The following ZNFX1 variants were observed in gnomAD, a reference collection of about 807,000 sequenced individuals.
ZNFX1 encodes NFX1-type zinc finger-containing protein 1.
Under a neutral mutation model 179.8 loss-of-function variants are expected in ZNFX1, and 78 were observed. The observed-to-expected ratio is 0.43, with a 90% CI of 0.36 to 0.52. The LOEUF (loss-of-function observed/expected upper bound fraction) is 0.52. ZNFX1 is among the 20% of genes least tolerant of loss of function. The pLI is 0.00. For missense variants in ZNFX1, 1,927 were observed against 2,386.6 expected (o/e 0.81, Z 4.01); for synonymous variants, 848 against 868.5 (o/e 0.98, Z 0.42).
In ZNFX1 at chr20:49,270,543, T is replaced by C. The variant is rs1014598267; in HGVS notation, c.1269A>G (p.Ser423=). The C allele has an allele frequency of 3.7e-6, 6 of 1,614,266 alleles. No individual in the cohort carries two copies. The highest frequency in any genetic ancestry group is 5.1e-6 in the Non-Finnish European group (6 of 1,180,046). The change falls in exon 3 of 14, where the codon TCA becomes TCG. Residue 423 remains serine, a synonymous_variant. Transcript: ENST00000396105. This position sits in a 1 kb window ranked among gnomAD's most constrained non-coding sequence, Gnocchi z 4.6. ...DTRIITPMCS[S]SGIVYKVQFD... is the part of the protein sequence containing the mutation. ...ACTGCACCTTGTAGACTATGCCTGA[T>C]GATGAACACATGGGGGTGATAATCC...
rs751732499 is a variant in ZNFX1 at position 49,247,758 on chromosome 20, G to C, written c.5266C>G (p.Leu1756Val). 1.9e-6 allele frequency: 3 copies of C among 1,614,072 alleles called. No homozygotes were observed. The highest frequency in any genetic ancestry group is 2.5e-6 in the Non-Finnish European group (3 of 1,180,058). Reference protein sequence around the residue: ...LSFTSQELSDLRSEIQRLTYL... With the variant: ...LSFTSQELSDVRSEIQRLTYL... ...GTGAGCCTCTGGATTTCACTTCGGA[G>C]GTCACTTAGTTCCTGGCTAGTGAAG... The change falls in exon 14 of 14, where the codon CTC (leucine) becomes GTC (valine). Residue 1756 changes from leucine to valine, a missense_variant. Leu to Val is a conservative substitution (Grantham distance 32). Coordinates refer to ENST00000396105, the MANE Select transcript of ZNFX1 (RefSeq NM_021035.3).
In ZNFX1 at chr20:49,252,705, G is replaced by A; in HGVS notation, c.3216+15C>T. 14 of 1,602,522 alleles carry A rather than the reference G, an allele frequency of 8.7e-6. No homozygotes were observed. Among genetic ancestry groups the A allele is most frequent in the Non-Finnish European group, 1.2e-5 (14 of 1,169,556 alleles). ...CTCCTGGGCATTTGGTAACAACAGAGGCCCAGCTTCTCACCTGGTAATTCA... is the reference window on the plus strand; with the variant it reads ...CTCCTGGGCATTTGGTAACAACAGAAGCCCAGCTTCTCACCTGGTAATTCA... On this transcript the variant is annotated intron_variant, in intron 12 of 13. Transcript: ENST00000396105.
At chr20:49,275,674 G>C in intron 2 of ZNFX1, 105 bp downstream of exon 2, 1 of 1,086,234 alleles carries the variant, frequency 9.2e-7, no homozygotes, top group Non-Finnish European at 1.4e-6. Flanking sequence ...TTCTTTACTT[G>C]AGAGATGCAG....
intron 5 of ZNFX1, among the ~76,000 whole-genome samples, chr20:49,263,949 C>A (rs1037402804): frequency 5.3e-5 from 8 of 151,306 alleles, no homozygotes; most frequent in Admixed American, 3.9e-4. Flanking sequence ...TTGGGCCGGG[C>A]GCGGTGGCTC....
Position 49,259,641 on chromosome 20 carries a change from C to T in ZNFX1, c.2416+822G>A, listed in dbSNP as rs574427306. 2.0e-5 allele frequency among the ~76,000 whole-genome samples: 3 copies of T among 152,206 alleles called. No individual in the cohort carries two copies. The East Asian group carries it at 5.8e-4, about 29-fold the overall frequency. On this transcript the variant is annotated intron_variant, in intron 7 of 13. Transcript: ENST00000396105. ...ACAGGGTCTCATTATGTTGCCCAGG[C>T]TGGTCTCCAACTTCTGGGCTGAAAC...
chr20:49,262,131 A>C (rs1981128913), intron 6 of ZNFX1, among the ~76,000 whole-genome samples: 1 of 151,776 alleles, frequency 6.6e-6, no homozygotes, highest in Admixed American at 6.6e-5. Context: ...TAAAAATCAA[A>C]GGGCTGGGCA....
rs1568982441 is a variant in ZNFX1, at chr20:49,253,736, A to G, written c.3035T>C (p.Leu1012Pro). The change falls in exon 11 of 14, where the codon CTT (leucine) becomes CCT (proline). Residue 1012 changes from leucine to proline, a missense_variant. Coordinates refer to ENST00000396105, the MANE Select transcript of ZNFX1 (RefSeq NM_021035.3). ...IVIVEEAAEV[L>P]EAHTIATLSK... ...CAATGTGGCAATGGTATGGGCCTCA[A>G]GGACTTCCGCAGCTTCTTCCACTAT... is the stretch of plus-strand genomic sequence containing the variant. 6.2e-7 allele frequency: 1 copy of G among 1,614,200 alleles called. No homozygotes were observed.
Position 49,248,739 on chromosome 20 carries a change from C to G in ZNFX1, c.4285G>C (p.Val1429Leu). Reference protein sequence around the residue: ...VEGLLYGGLLVKCTTKCGTIL... With the variant: ...VEGLLYGGLLLKCTTKCGTIL... ...GTGCCACACTTTGTGGTACACTTGA[C>G]TAGCAGACCACCATACAGGAGGCCT... Residue 1429 changes from valine (V) to leucine (L), a missense_variant, in exon 14 of 14, where the codon GTC (valine) becomes CTC (leucine). Val to Leu is a conservative substitution (Grantham distance 32). Coordinates refer to ENST00000396105, the MANE Select transcript of ZNFX1 (RefSeq NM_021035.3). The surrounding 1 kb of genome is among the most constrained non-coding windows in gnomAD (Gnocchi z 4.6). 1.9e-6 allele frequency: 3 copies of G among 1,613,346 alleles called. No individual in the cohort carries two copies. Among genetic ancestry groups the G allele is most frequent in the South Asian group, 1.1e-5 (1 of 91,090 alleles).
rs1476017113 is a variant in ZNFX1 at position 49,253,636 on chromosome 20, G to A, written c.3105+30C>T. On this transcript the variant is annotated intron_variant, in intron 11 of 13. Coordinates refer to ENST00000396105, the MANE Select transcript of ZNFX1 (RefSeq NM_021035.3). ...ATGATCTCACCCCCACGGAGAGCCA[G>A]CCCATCTTCTAGGGGGACTCTCGTT... 14 of 1,612,918 alleles carry A rather than the reference G, an allele frequency of 8.7e-6. No individual in the cohort carries two copies. In the East Asian group the frequency reaches 1.8e-4, roughly 21 times the overall value.
intron 7 of ZNFX1, among the ~76,000 whole-genome samples, chr20:49,259,127 T>TA (rs1568984450): frequency 1.5e-4 from 11 of 73,564 alleles, no homozygotes; most frequent in Admixed American, 2.7e-4. Context: ...AATAAATAAA[T>TA]AAATAAATAA....
At chr20:49,263,994 C>T (rs555133) in intron 5 of ZNFX1, among the ~76,000 whole-genome samples, 101,239 of 151,412 alleles carry the variant, frequency 0.67, 34,734 homozygotes, top group Non-Finnish European at 0.76. Flanking sequence ...GAGGCCGAGG[C>T]GGGTGGACCA....
intron 3 of ZNFX1, among the ~76,000 whole-genome samples, chr20:49,267,495 T>TC (rs1555883661): frequency 6.6e-6 from 1 of 151,768 alleles, no homozygotes; most frequent in South Asian, 2.1e-4. Flanking sequence ...TTTTTTTTTT[T>TC]AAATCATGAG....
intron 10 of ZNFX1, 119 bp downstream of exon 10, chr20:49,254,376 A>T: frequency 7.5e-7 from 1 of 1,328,776 alleles, no homozygotes; most frequent in Admixed American, 2.2e-5. Context: ...TGCTTTCAGT[A>T]GCTTTTCATG....
At chr20:49,252,508 TAAG>T (rs1235250629) in intron 12 of ZNFX1, among the ~76,000 whole-genome samples, 1 of 150,842 alleles carries the variant, frequency 6.6e-6, no homozygotes, top group African/African-American at 2.4e-5. Flanking sequence ...TTGAAAAAAA[TAAG>T]GAGAAAGCAT....
Position 49,249,722 on chromosome 20 carries a change from AAAG to A in ZNFX1, c.3313-14_3313-12del, listed in dbSNP as rs767661367. On this transcript the variant is annotated splice_polypyrimidine_tract_variant and intron_variant, in intron 13 of 13. Transcript: ENST00000396105. ...GTTGGAAGACACCCCCTGACAGGGA[AAAG>A]AAGTGACATGTTAAAAGGTTCACTC... 29 of 1,601,038 alleles carry A rather than the reference AAAG, an allele frequency of 1.8e-5. 1 individual carries two copies. The South Asian group carries it at 3.2e-4, about 18-fold the overall frequency.
Position 49,248,827 on chromosome 20 carries a change from T to C in ZNFX1, c.4197A>G (p.Ser1399=), listed in dbSNP as rs1980752283. Residue 1399 remains serine, a synonymous_variant, in exon 14 of 14, where the codon TCA becomes TCG. Transcript: ENST00000396105. The surrounding 1 kb of genome is among the most constrained non-coding windows in gnomAD (Gnocchi z 4.6). ...PCGEDCVQLC[S]EMVTIKLKCG... ...ACTTGAGTTTTATGGTGACCATTTC[T>C]GAACACAGCTGCACACAGTCCTCAC... 2.5e-6 allele frequency: 4 copies of C among 1,613,316 alleles called. No individual in the cohort carries two copies. Among genetic ancestry groups the C allele is most frequent in the Non-Finnish European group, 3.4e-6 (4 of 1,179,348 alleles).
chr20:49,248,652 G>T lies in ZNFX1; in HGVS notation c.4372C>A (p.His1458Asn), dbSNP rs1980745015. The T allele has an allele frequency of 1.9e-6, 3 of 1,613,704 alleles. No homozygotes were observed. The highest frequency in any genetic ancestry group is 2.5e-6 in the Non-Finnish European group (3 of 1,180,034). ...TTGCAGGGCTGCTGACAGCGTTCAT[G>T]GAAACGCCCTTCGAAGCAGCTGTGG... Reference protein sequence around the residue: ...SCHSCFEGRFHERCQQPCKRL... With the variant: ...SCHSCFEGRFNERCQQPCKRL... The change falls in exon 14 of 14, where the codon CAT becomes AAT. Residue 1458 changes from histidine to asparagine, a missense_variant. Physicochemically the swap from His to Asn is moderately conservative, Grantham distance 68. Transcript: ENST00000396105. This position sits in a 1 kb window ranked among gnomAD's most constrained non-coding sequence, Gnocchi z 4.6.
chr20:49,263,897 G>A (rs1406655872), intron 5 of ZNFX1, among the ~76,000 whole-genome samples: 1 of 152,184 alleles, frequency 6.6e-6, no homozygotes, highest in African/African-American at 2.4e-5. Flanking sequence ...ATACTTACTG[G>A]TTGAGCATTG....
At chr20:49,274,632 A>T (rs1981505410) in intron 2 of ZNFX1, among the ~76,000 whole-genome samples, 1 of 152,092 alleles carries the variant, frequency 6.6e-6, no homozygotes, top group African/African-American at 2.4e-5. Context: ...GGTGGCAGGC[A>T]CCTGTAATCC....
Sources: gnomAD v4.1 joint callset for allele counts (sites outside exome capture counted in the v4.1 genomes callset) on GRCh38, gnomAD v4.1.1 for gene constraint, Gnocchi (gnomAD v3.1) non-coding constraint, MANE v1.5 for transcripts, NCBI Gene and HGNC (gene_info 2026-07-23, HGNC 2026-07-21) for gene names.